Variants in PTPRN2 observed in about 807,000 individuals in gnomAD.
The protein encoded by PTPRN2 is receptor-type tyrosine-protein phosphatase N2.
In PTPRN2, 74 loss-of-function variants were observed where a neutral mutation model predicts 118.8. The ratio of observed to expected loss-of-function variants is 0.62; its 90% CI spans 0.52 to 0.76. The LOEUF is 0.76. PTPRN2 is among the 30% of genes least tolerant of loss of function. The probability of loss-of-function intolerance (pLI) is 0.00; values close to 1 mark genes in which losing one functional copy is unlikely to be tolerated. For synonymous variants in PTPRN2, 641 were observed against 608.0 expected, an observed-to-expected ratio of 1.05 and a Z score of -0.80; for missense variants, 1,481 against 1,394.4, an observed-to-expected ratio of 1.06 and a Z score of -0.99.
At chr7:158,176,282 T>C (rs1410631349) in intron 5 of PTPRN2, among the ~76,000 whole-genome samples, 1 of 152,188 alleles carries the variant, frequency 6.6e-6, no homozygotes, top group East Asian at 1.9e-4. Flanking sequence ...GGGACAGTCA[T>C]CGCCACGGGG....
At chr7:157,937,707 C>T (rs1428537526) in intron 11 of PTPRN2, among the ~76,000 whole-genome samples, 5 of 152,192 alleles carry the variant, frequency 3.3e-5, no homozygotes, top group African/African-American at 1.2e-4. Flanking sequence ...TGAGCCGGGG[C>T]CTGGAAAGGC....
intron 9 of PTPRN2, among the ~76,000 whole-genome samples, chr7:158,122,414 C>T (rs1482084960): frequency 3.9e-5 from 6 of 152,216 alleles, no homozygotes; most frequent in Non-Finnish European, 8.8e-5. Context: ...TCCACGGTGT[C>T]CTCTCAGCCC....
intron 11 of PTPRN2, among the ~76,000 whole-genome samples, chr7:157,984,920 G>T (rs1242105845): frequency 6.6e-6 from 1 of 152,156 alleles, no homozygotes; most frequent in Non-Finnish European, 1.5e-5. Flanking sequence ...TCTCTGTGTA[G>T]AGGCCTCCTG....
intron 2 of PTPRN2, among the ~76,000 whole-genome samples, chr7:158,318,431 A>G (rs763427507): frequency 6.6e-6 from 1 of 152,220 alleles, no homozygotes; most frequent in Admixed American, 6.5e-5. Context: ...CACAATGCAG[A>G]ACAATCCTAG....
intron 11 of PTPRN2, among the ~76,000 whole-genome samples, chr7:157,941,448 C>T (rs1477218395): frequency 6.0e-5 from 9 of 149,578 alleles, no homozygotes; most frequent in Non-Finnish European, 1.3e-4. Context: ...AACATCCTCC[C>T]CACCATGACA....
intron 1 of PTPRN2, among the ~76,000 whole-genome samples, chr7:158,521,184 T>C (rs867702116): frequency 6.6e-6 from 1 of 152,234 alleles, no homozygotes; most frequent in South Asian, 2.1e-4. Context: ...TTATTTTATA[T>C]TTTTTTCCCC....
chr7:157,918,318 G>A (rs576767061), intron 11 of PTPRN2, among the ~76,000 whole-genome samples: 2 of 152,330 alleles, frequency 1.3e-5, no homozygotes, highest in East Asian at 3.9e-4. Flanking sequence ...CTTTTGAAAA[G>A]TGTGAAGAAC....
chr7:157,962,311 T>G (rs904523177), intron 11 of PTPRN2, among the ~76,000 whole-genome samples: 32 of 151,872 alleles, frequency 2.1e-4, no homozygotes, highest in Non-Finnish European at 2.8e-4. Flanking sequence ...ATGGCCACAC[T>G]TCAGCAGGAG....
chr7:157,700,816 G>A (rs1380058661), intron 12 of PTPRN2, among the ~76,000 whole-genome samples: 1 of 152,098 alleles, frequency 6.6e-6, no homozygotes. Context: ...GGCCGCGAGG[G>A]CACCCTCACC....
At chr7:158,144,772 A>G (rs936046675) in intron 6 of PTPRN2, among the ~76,000 whole-genome samples, 9 of 152,188 alleles carry the variant, frequency 5.9e-5, no homozygotes, top group Non-Finnish European at 1.2e-4. Context: ...CTAACAGCAA[A>G]CACCGTCACT....
At chr7:157,924,920 AGC>A (rs1356339221) in intron 11 of PTPRN2, among the ~76,000 whole-genome samples, 7 of 125,394 alleles carry the variant, frequency 5.6e-5, no homozygotes, top group African/African-American at 1.6e-4. Flanking sequence ...ACCTGCATTT[AGC>A]ACGTCAGGCA....
intron 1 of PTPRN2, among the ~76,000 whole-genome samples, chr7:158,523,718 T>A (rs535572748): frequency 4.5e-5 from 1 of 22,266 alleles, no homozygotes; most frequent in Admixed American, 7.0e-4. Context: ...TGCCCTGGAG[T>A]GGAGTCTGCC....
chr7:158,351,764 A>AG (rs1807958270), intron 2 of PTPRN2, among the ~76,000 whole-genome samples: 2 of 152,032 alleles, frequency 1.3e-5, no homozygotes, highest in African/African-American at 4.8e-5. Context: ...ATTTTCATTC[A>AG]GGGGGGCTTG....
rs1164996671 is a variant in PTPRN2, at chr7:157,610,507, G to A, written c.2345-6432C>T. Among the ~76,000 whole-genome samples, 2 of 152,180 alleles carry A rather than the reference G, an allele frequency of 1.3e-5. No individual in the cohort carries two copies. The highest frequency in any genetic ancestry group is 1.3e-4 in the Admixed American group (2 of 15,282). On this transcript the variant is annotated intron_variant, in intron 15 of 22. Transcript: ENST00000389418. This position sits in a 1 kb window ranked among gnomAD's most constrained non-coding sequence, Gnocchi z 5.1. Reference sequence around the variant, plus strand: ...CCACAGTTGGCACCAGCACCCACAAGCTCCTGCTCCGAGTTTATGGTGTCC... The same window carrying A: ...CCACAGTTGGCACCAGCACCCACAAACTCCTGCTCCGAGTTTATGGTGTCC...
At chr7:157,703,488 G>A (rs1032380080) in intron 12 of PTPRN2, among the ~76,000 whole-genome samples, 2 of 152,174 alleles carry the variant, frequency 1.3e-5, no homozygotes, top group Admixed American at 1.3e-4. Context: ...CACAGAAACT[G>A]TAAGATAAAA....
At chr7:157,926,828 A>T (rs1799021909) in intron 11 of PTPRN2, among the ~76,000 whole-genome samples, 2 of 152,306 alleles carry the variant, frequency 1.3e-5, no homozygotes, top group East Asian at 1.9e-4. Context: ...GTTGGGTAAG[A>T]GTCGCCTCCC....
intron 2 of PTPRN2, among the ~76,000 whole-genome samples, chr7:158,379,472 G>A (rs952652807): frequency 1.3e-5 from 2 of 152,206 alleles, no homozygotes; most frequent in African/African-American, 4.8e-5. Flanking sequence ...AGAAACTGCA[G>A]CCAAACTCAC....
chr7:158,132,382 CAT>C (rs1270490933), intron 9 of PTPRN2, among the ~76,000 whole-genome samples: 1 of 151,818 alleles, frequency 6.6e-6, no homozygotes, highest in Non-Finnish European at 1.5e-5. Flanking sequence ...CATACACACA[CAT>C]GCAAATAAGC....
chr7:158,059,253 G>C (rs1175507811), intron 11 of PTPRN2, among the ~76,000 whole-genome samples: 7 of 114,370 alleles, frequency 6.1e-5, no homozygotes, highest in East Asian at 2.7e-4. Flanking sequence ...CCCACAGTGA[G>C]ACACCACTGC....
Sources: allele counts gnomAD v4.1 joint callset (sites outside exome capture counted in the v4.1 genomes callset), GRCh38; gene constraint gnomAD v4.1.1; non-coding constraint Gnocchi (gnomAD v3.1); transcripts MANE v1.5; gene names NCBI Gene and HGNC (gene_info 2026-07-23, HGNC 2026-07-21).